The following CBFB variants were observed in gnomAD, a reference collection of about 807,000 sequenced individuals.
The protein encoded by CBFB is core-binding factor subunit beta.
Under a neutral mutation model 30.4 loss-of-function variants are expected in CBFB, and 9 were observed. That is an observed-to-expected ratio of 0.30 (90% CI 0.18 to 0.52). The LOEUF (loss-of-function observed/expected upper bound fraction) is 0.52, where lower values mean the gene tolerates loss of function less well. Among genes scored for constraint, CBFB ranks in the 20% least tolerant of loss-of-function variants. The pLI is 0.97. For missense variants in CBFB, 170 were observed against 244.0 expected, an observed-to-expected ratio of 0.70 and a Z score of 2.02; for synonymous variants, 94 against 84.0, an observed-to-expected ratio of 1.12 and a Z score of -0.65.
At chr16:67,094,100 T>G (rs930231621) in intron 5 of CBFB, among the ~76,000 whole-genome samples, 1 of 151,468 alleles carries the variant, frequency 6.6e-6, no homozygotes, top group Non-Finnish European at 1.5e-5. Flanking sequence ...TCATTTGTAC[T>G]GTTAGACTTC....
chr16:67,041,602 CA>C (rs894439635), intron 3 of CBFB, among the ~76,000 whole-genome samples: 40 of 145,034 alleles, frequency 2.8e-4, no homozygotes, highest in Non-Finnish European at 4.1e-4. Context: ...AACTCCATCT[CA>C]AAAAAAAAAG....
intron 3 of CBFB, among the ~76,000 whole-genome samples, chr16:67,055,253 T>C (rs535178223): frequency 6.6e-6 from 1 of 152,076 alleles, no homozygotes; most frequent in Non-Finnish European, 1.5e-5. Flanking sequence ...TCTAATTTAT[T>C]CTTAACAGAA....
chr16:67,045,194 AAG>A (rs1470498433), intron 3 of CBFB, among the ~76,000 whole-genome samples: 2 of 152,130 alleles, frequency 1.3e-5, no homozygotes, highest in Non-Finnish European at 2.9e-5. Context: ...TTTTCAATCT[AAG>A]AGAGGAAGTC....
intron 5 of CBFB, among the ~76,000 whole-genome samples, chr16:67,085,822 C>A (rs1401007626): frequency 6.6e-6 from 1 of 151,896 alleles, no homozygotes; most frequent in Non-Finnish European, 1.5e-5. Context: ...GGACCACAGG[C>A]GCCCGCCACC....
At chr16:67,072,454 C>T (rs1961251200) in intron 4 of CBFB, among the ~76,000 whole-genome samples, 1 of 151,402 alleles carries the variant, frequency 6.6e-6, no homozygotes, top group Non-Finnish European at 1.5e-5. Flanking sequence ...TCAATATGGT[C>T]TTGTTTTTCT....
At chr16:67,092,698 C>CTCTTTTTTTTT (rs1961925973) in intron 5 of CBFB, among the ~76,000 whole-genome samples, 3 of 33,490 alleles carry the variant, frequency 9.0e-5, no homozygotes, top group African/African-American at 3.5e-4. Flanking sequence ...GTGGTGCAAT[C>CTCTTTTTTTTT]TTTTTTTTTT....
At chr16:67,053,993 G>A (rs567351138) in intron 3 of CBFB, among the ~76,000 whole-genome samples, 1 of 151,892 alleles carries the variant, frequency 6.6e-6, no homozygotes, top group Non-Finnish European at 1.5e-5. Flanking sequence ...GCTTATATAT[G>A]AGCATTTTGC....
At chr16:67,062,559 A>G (rs1416899855) in intron 3 of CBFB, among the ~76,000 whole-genome samples, 1 of 150,772 alleles carries the variant, frequency 6.6e-6, no homozygotes, top group Admixed American at 6.6e-5. Context: ...TGGGAGGCCA[A>G]GGCGGGCGGA....
intron 3 of CBFB, among the ~76,000 whole-genome samples, chr16:67,058,404 G>T (rs1047273514): frequency 6.6e-6 from 1 of 152,162 alleles, no homozygotes; most frequent in Non-Finnish European, 1.5e-5. Context: ...GCCTTCCAAA[G>T]TGCCGGGATC....
chr16:67,056,565 A>G (rs889273602), intron 3 of CBFB, among the ~76,000 whole-genome samples: 2 of 151,592 alleles, frequency 1.3e-5, no homozygotes, highest in Non-Finnish European at 2.9e-5. Context: ...AGTATTTACT[A>G]TGTTTTTTTC....
chr16:67,083,559 G>GC (rs2145773618), intron 5 of CBFB, among the ~76,000 whole-genome samples: 1 of 152,174 alleles, frequency 6.6e-6, no homozygotes, highest in African/African-American at 2.4e-5. Flanking sequence ...CTCCCAAAGT[G>GC]CTTGGATTGA....
At chr16:67,037,245 T>C (rs1966457066) in intron 3 of CBFB, among the ~76,000 whole-genome samples, 1 of 152,216 alleles carries the variant, frequency 6.6e-6, no homozygotes, top group African/African-American at 2.4e-5. Flanking sequence ...ACTCCATTCC[T>C]AATTTCATGT....
chr16:67,062,136 A>T (rs1200176145), intron 3 of CBFB, among the ~76,000 whole-genome samples: 1 of 152,116 alleles, frequency 6.6e-6, no homozygotes, highest in African/African-American at 2.4e-5. Context: ...ATAAGTAATA[A>T]ATGGGCTTTT....
rs1966301763 is a variant in CBFB, at chr16:67,029,820, C to T, written c.165+7C>T. 1.9e-6 allele frequency: 3 copies of T among 1,578,932 alleles called. No homozygotes were observed. The highest frequency in any genetic ancestry group is 2.4e-5 in the East Asian group (1 of 41,028). ...CGACGGCCGCTCGGAAATCGTAAGT[C>T]GGCTGGCCCGGGGCGCGCGCGGGTC... On this transcript the variant is annotated splice_region_variant and intron_variant, in intron 2 of 5. Transcript: ENST00000412916.
At chr16:67,039,547 A>AT (rs1191461782) in intron 3 of CBFB, among the ~76,000 whole-genome samples, 4 of 152,238 alleles carry the variant, frequency 2.6e-5, no homozygotes, top group Non-Finnish European at 4.4e-5. Flanking sequence ...TTTCAGATTC[A>AT]TTATAATCTT....
At chr16:67,064,904 C>CT (rs1233480397) in intron 3 of CBFB, among the ~76,000 whole-genome samples, 6 of 151,352 alleles carry the variant, frequency 4.0e-5, no homozygotes, top group Admixed American at 6.6e-5. Flanking sequence ...TTTTCTCTCT[C>CT]TTTTTTTTGT....
intron 4 of CBFB, among the ~76,000 whole-genome samples, chr16:67,081,084 G>A (rs1961541189): frequency 6.6e-6 from 1 of 150,706 alleles, no homozygotes; most frequent in African/African-American, 2.4e-5. Context: ...CCACTAACTC[G>A]TCATCTAGCA....
chr16:67,062,275 T>A (rs1960933594), intron 3 of CBFB, among the ~76,000 whole-genome samples: 1 of 149,996 alleles, frequency 6.7e-6, no homozygotes, highest in South Asian at 2.1e-4. Flanking sequence ...TTCAAATGAT[T>A]CTCCTGCCTC....
intron 4 of CBFB, among the ~76,000 whole-genome samples, chr16:67,075,337 G>C (rs963620085): frequency 6.6e-6 from 1 of 151,966 alleles, no homozygotes; most frequent in Non-Finnish European, 1.5e-5. Context: ...TTCACAAACA[G>C]GCTATGCAAA....
Sources: gnomAD v4.1 joint callset for allele counts (sites outside exome capture counted in the v4.1 genomes callset) on GRCh38, gnomAD v4.1.1 for gene constraint, MANE v1.5 for transcripts, NCBI Gene and HGNC (gene_info 2026-07-23, HGNC 2026-07-21) for gene names.